Variants in TSPAN16 observed in about 807,000 individuals in gnomAD.
The protein encoded by TSPAN16 is tetraspanin-16.
Under a neutral mutation model 25.2 loss-of-function variants are expected in TSPAN16, and 23 were observed. The ratio of observed to expected loss-of-function variants is 0.91; its 90% CI spans 0.66 to 1.29. TSPAN16 has a LOEUF of 1.29. TSPAN16 is among the 50% of genes most tolerant of loss of function. The pLI, the probability that TSPAN16 is intolerant of heterozygous loss-of-function variation, is 0.00. For missense variants in TSPAN16, 272 were observed against 299.9 expected, an observed-to-expected ratio of 0.91 and a Z score of 0.69; for synonymous variants, 123 against 124.4, an observed-to-expected ratio of 0.99 and a Z score of 0.08.
In TSPAN16 at chr19:11,298,387, C is replaced by G. The variant is rs769013351; in HGVS notation, c.267+48C>G. 8.3e-6 allele frequency: 13 copies of G among 1,563,850 alleles called. No homozygotes were observed. In the Admixed American group the frequency reaches 1.6e-4, roughly 19 times the overall value. ...CCCCAGAACTGCCTCCCCACACACACAAATCTTTTATTGTGCGTGTTGCAA... is the reference window on the plus strand; with the variant it reads ...CCCCAGAACTGCCTCCCCACACACAGAAATCTTTTATTGTGCGTGTTGCAA... On this transcript the variant is annotated intron_variant, in intron 2 of 6. Coordinates refer to ENST00000590327, the MANE Select transcript of TSPAN16 (RefSeq NM_001282509.2).
In TSPAN16 at chr19:11,315,535, G is replaced by A. The variant is rs12463245; in HGVS notation, c.688-256G>A. Among the ~76,000 whole-genome samples, 713 of 150,788 alleles carry A rather than the reference G, an allele frequency of 4.7e-3. 9 individuals are homozygous for A. The highest frequency in any genetic ancestry group is 0.026 in the Admixed American group (396 of 15,064). On this transcript the variant is annotated intron_variant, in intron 6 of 6. Transcript: ENST00000590327. ...TCCGCCACTGCACTCCAGCCTGGGC[G>A]ACAGAGGGAGACTTCATCTCAAAAA...
intron 5 of TSPAN16, among the ~76,000 whole-genome samples, chr19:11,310,259 C>G (rs538439071): frequency 6.6e-6 from 1 of 151,992 alleles, no homozygotes; most frequent in South Asian, 2.1e-4. Flanking sequence ...GGTGTGGTGG[C>G]TCACGCCTGT....
At chr19:11,318,183 T>C (rs1245887940), downstream of TSPAN16, among the ~76,000 whole-genome samples, 4 of 151,856 alleles carry the variant, frequency 2.6e-5, no homozygotes, top group Admixed American at 6.6e-5. Context: ...CCCGCTACCA[T>C]GCCCGGCTAA....
At chr19:11,298,529 G>T (rs1450207870) in intron 2 of TSPAN16, among the ~76,000 whole-genome samples, 190 bp downstream of exon 2, 1 of 151,736 alleles carries the variant, frequency 6.6e-6, no homozygotes, top group Non-Finnish European at 1.5e-5. Flanking sequence ...CTGCCTCCCA[G>T]GTTCAAGCGA....
At chr19:11,322,593 T>C (rs2080786503) in intron 6 of TSPAN16, 1 of 152,184 alleles carries the variant, frequency 6.6e-6, no homozygotes, top group South Asian at 2.1e-4. Flanking sequence ...AACATCAGTT[T>C]TCAGTCCCCA....
At position 11,303,379 on chromosome 19, in the gene TSPAN16, A is replaced by C. The variant is rs1042384016; in HGVS notation, c.450+2071A>C. Among the ~76,000 whole-genome samples the C allele has an allele frequency of 4.1e-5, 6 of 146,956 alleles. No homozygotes were observed. The Admixed American group carries it at 4.1e-4, about 10-fold the overall frequency. On this transcript the variant is annotated intron_variant, in intron 4 of 6. Transcript: ENST00000590327. ...GGCAGCATGCTCGTTAAGAGTCGTC[A>C]CCACTCCCTAATCTCAAGTTCCCAG...
At chr19:11,325,781 A>G (rs534234657) in intron 6 of TSPAN16, among the ~76,000 whole-genome samples, 3 of 152,270 alleles carry the variant, frequency 2.0e-5, no homozygotes, top group Non-Finnish European at 4.4e-5. Context: ...CAATGATAAA[A>G]ATCTGTGGCA....
At chr19:11,321,534 G>A in intron 6 of TSPAN16, among the ~76,000 whole-genome samples, 1 of 152,218 alleles carries the variant, frequency 6.6e-6, no homozygotes, top group Non-Finnish European at 1.5e-5. Flanking sequence ...TGACTACCTT[G>A]GGTAAGGGCC....
intron 5 of TSPAN16, 95 bp downstream of exon 5, chr19:11,306,851 T>C: frequency 7.6e-7 from 1 of 1,309,044 alleles, no homozygotes; most frequent in African/African-American, 1.5e-5. Context: ...GTTTCACCCT[T>C]GTCACCCAGG....
chr19:11,311,814 C>A (rs906316648), intron 5 of TSPAN16, among the ~76,000 whole-genome samples: 1 of 152,106 alleles, frequency 6.6e-6, no homozygotes, highest in Non-Finnish European at 1.5e-5. Context: ...AGAGGTATAG[C>A]GACTTCTCCA....
chr19:11,309,030 A>G (rs1177432533), intron 5 of TSPAN16, among the ~76,000 whole-genome samples: 1 of 152,046 alleles, frequency 6.6e-6, no homozygotes, highest in Non-Finnish European at 1.5e-5. Flanking sequence ...GCAACATAGC[A>G]AGATGCCGTT....
chr19:11,322,518 A>G (rs191458814), intron 6 of TSPAN16: 1 of 152,146 alleles, frequency 6.6e-6, no homozygotes, highest in Admixed American at 6.6e-5. Context: ...GGGTTTTCCC[A>G]CGGCCTTTGG....
At chr19:11,312,705 G>T (rs1357264741) in intron 6 of TSPAN16, among the ~76,000 whole-genome samples, 1 of 152,080 alleles carries the variant, frequency 6.6e-6, no homozygotes, top group African/African-American at 2.4e-5. Context: ...ATCAAGGCTA[G>T]TGAGGCATGA....
At chr19:11,325,426 G>GGGGGGGGGGGGCCC in intron 6 of TSPAN16, 1 of 825,490 alleles carries the variant, frequency 1.2e-6, no homozygotes, top group Non-Finnish European at 1.8e-6. Flanking sequence ...GGGCTGGGGG[G>GGGGGGGGGGGGCCC]CTGGAGCATC....
chr19:11,301,132 G>T, intron 3 of TSPAN16, 69 bp from the exon 4 acceptor site: 1 of 1,349,586 alleles, frequency 7.4e-7, no homozygotes. Context: ...CTATCCTCAA[G>T]AACCTCGGCC....
rs1052488406 is a variant in TSPAN16 at position 11,310,599 on chromosome 19, G to A, written c.604-1540G>A. Among the ~76,000 whole-genome samples, 10 of 151,828 alleles carry A rather than the reference G, an allele frequency of 6.6e-5. No individual in the cohort carries two copies. In the East Asian group the frequency reaches 9.7e-4, roughly 15 times the overall value. ...ATGCCCTGCCAACGCACTTTGCCTG[G>A]TATCCTAATATCTCTGAGCCTCAGT... is the stretch of plus-strand genomic sequence containing the variant. On this transcript the variant is annotated intron_variant, in intron 5 of 6. Transcript: ENST00000590327.
chr19:11,326,804 C>G (rs318687), exon 7 of TSPAN16: 48,771 of 689,756 alleles, frequency 0.071, 2,518 homozygotes, highest in African/African-American at 0.2. Context: ...AGGTGGGGGT[C>G]TCGCTATGTT....
intron 4 of TSPAN16, among the ~76,000 whole-genome samples, chr19:11,305,541 TA>T (rs1568289901): frequency 2.4e-5 from 3 of 127,090 alleles, no homozygotes; most frequent in Non-Finnish European, 4.7e-5. Flanking sequence ...AAAAAAATAA[TA>T]AAAATAAAAA....
At chr19:11,301,509 A>G (rs1414005032) in intron 4 of TSPAN16, among the ~76,000 whole-genome samples, 1 of 151,896 alleles carries the variant, frequency 6.6e-6, no homozygotes. Context: ...GTGTGGTGGC[A>G]GGCATCTGTA....
Sources: gnomAD v4.1 joint callset for allele counts (sites outside exome capture counted in the v4.1 genomes callset) on GRCh38, gnomAD v4.1.1 for gene constraint, MANE v1.5 for transcripts, NCBI Gene and HGNC (gene_info 2026-07-23, HGNC 2026-07-21) for gene names.